The following FBN2 variants were observed in gnomAD, a reference collection of about 807,000 sequenced individuals.
FBN2 encodes the protein fibrillin-2.
In FBN2, 105 loss-of-function variants were observed where a neutral mutation model predicts 355.6. The observed-to-expected ratio is 0.30, with a 90% CI of 0.25 to 0.35. The LOEUF (loss-of-function observed/expected upper bound fraction) is 0.35, where lower values mean the gene tolerates loss of function less well. Among genes scored for constraint, FBN2 ranks in the 10% least tolerant of loss-of-function variants. FBN2 has a pLI of 1.00. For synonymous variants in FBN2, 1,350 were observed against 1,301.2 expected (o/e 1.04, Z -0.81); for missense variants, 3,280 against 3,758.7 (o/e 0.87, Z 3.33).
chr5:128,303,426 A>C (rs1749774828), intron 45 of FBN2, among the ~76,000 whole-genome samples: 1 of 152,220 alleles, frequency 6.6e-6, no homozygotes, highest in Non-Finnish European at 1.5e-5. Flanking sequence ...TAAAATACTG[A>C]AACAATTTCT....
At chr5:128,447,643 T>C (rs1754104584) in intron 6 of FBN2, among the ~76,000 whole-genome samples, 1 of 152,234 alleles carries the variant, frequency 6.6e-6, no homozygotes, top group Non-Finnish European at 1.5e-5. Context: ...TCCATTTGTC[T>C]TGTAATATTT....
chr5:128,481,342 A>C (rs1006865710), intron 5 of FBN2, among the ~76,000 whole-genome samples: 5 of 152,214 alleles, frequency 3.3e-5, no homozygotes, highest in African/African-American at 1.2e-4. Flanking sequence ...AAGTGCTGTC[A>C]TCAATTTCTG....
Position 128,446,471 on chromosome 5 carries a change from A to G in FBN2, c.952+10T>C, listed in dbSNP as rs368763111. The G allele has an allele frequency of 1.9e-6, 3 of 1,613,420 alleles. No homozygotes were observed. In the African/African-American group the frequency reaches 4.0e-5, roughly 22 times the overall value. On this transcript the variant is annotated intron_variant, in intron 7 of 64. Transcript: ENST00000262464. ...CAATTAGGCATGCTTCCCAAAGTAG[A>G]GAGACTCACCTTCACATTTCTGAGT... is the stretch of plus-strand genomic sequence containing the variant.
intron 5 of FBN2, among the ~76,000 whole-genome samples, chr5:128,488,433 C>T (rs1335180418): frequency 1.3e-5 from 2 of 152,036 alleles, no homozygotes; most frequent in African/African-American, 4.8e-5. Context: ...CAAGTTCTAC[C>T]TTTTAGATAA....
At chr5:128,473,005 T>C (rs1191247742) in intron 5 of FBN2, among the ~76,000 whole-genome samples, 3 of 152,166 alleles carry the variant, frequency 2.0e-5, no homozygotes, top group East Asian at 1.9e-4. Flanking sequence ...ACGTGCGACA[T>C]TGACCACGCC....
At chr5:128,456,621 G>A (rs777746081) in intron 6 of FBN2, among the ~76,000 whole-genome samples, 1 of 152,104 alleles carries the variant, frequency 6.6e-6, no homozygotes, top group Non-Finnish European at 1.5e-5. Context: ...GTCTCCTTGA[G>A]TGACATCTCT....
chr5:128,269,151 A>T (rs959334605), intron 62 of FBN2, among the ~76,000 whole-genome samples: 3 of 151,950 alleles, frequency 2.0e-5, no homozygotes, highest in African/African-American at 7.2e-5. Context: ...GCAGTGGCTC[A>T]TGCCTGTAAT....
At chr5:128,344,221 A>G (rs1228426478) in intron 25 of FBN2, among the ~76,000 whole-genome samples, 164 bp downstream of exon 25, 1 of 152,202 alleles carries the variant, frequency 6.6e-6, no homozygotes. Flanking sequence ...TCTGCACTCC[A>G]GCCTGGGCGA....
At position 128,268,360 on chromosome 5, in the gene FBN2, T is replaced by G. The variant is rs185990721; in HGVS notation, c.7960+3639A>C. On this transcript the variant is annotated intron_variant, in intron 62 of 64. Transcript: ENST00000262464. Reference sequence around the variant, plus strand: ...ATCCCTGAATAGACCAATAACAAGTTCTAAATTTGAGGCAGTAATTAATAG... The same window carrying G: ...ATCCCTGAATAGACCAATAACAAGTGCTAAATTTGAGGCAGTAATTAATAG... 2.5e-3 allele frequency among the ~76,000 whole-genome samples: 381 copies of G among 152,068 alleles called. 2 individuals carry two copies. Among genetic ancestry groups the G allele is most frequent in the African/African-American group, 9.0e-3 (373 of 41,478 alleles).
Position 128,318,910 on chromosome 5 carries a change from A to G in FBN2, c.4563T>C (p.Tyr1521=), listed in dbSNP as rs1434367982. The change falls in exon 35 of 65, where the codon TAT becomes TAC. Residue 1521 remains tyrosine (Y), a synonymous_variant. Coordinates refer to ENST00000262464, the MANE Select transcript of FBN2 (RefSeq NM_001999.4). ...GMFHCICDDG[Y]ELDRTGGNCT... ...AGTTCCCTCCTGTTCTGTCCAATTCATAACCATCATCGCAGATGCAATGAA... is the reference window on the plus strand; with the variant it reads ...AGTTCCCTCCTGTTCTGTCCAATTCGTAACCATCATCGCAGATGCAATGAA... 6 of 1,613,624 alleles carry G rather than the reference A, an allele frequency of 3.7e-6. No individual in the cohort carries two copies. Among genetic ancestry groups the G allele is most frequent in the Non-Finnish European group, 5.1e-6 (6 of 1,179,664 alleles).
chr5:128,320,603 G>A (rs1750342337), intron 34 of FBN2, among the ~76,000 whole-genome samples: 2 of 152,130 alleles, frequency 1.3e-5, no homozygotes, highest in Middle Eastern at 3.2e-3. Context: ...AAAGATTACT[G>A]TCTTTCCTTT....
intron 8 of FBN2, among the ~76,000 whole-genome samples, chr5:128,403,856 G>T (rs977374866): frequency 6.6e-6 from 1 of 151,758 alleles, no homozygotes; most frequent in Middle Eastern, 3.2e-3. Context: ...GAAAATTATC[G>T]TGTCTTATAA....
At chr5:128,479,956 C>G (rs1352790383) in intron 5 of FBN2, among the ~76,000 whole-genome samples, 3 of 35,246 alleles carry the variant, frequency 8.5e-5, no homozygotes, top group Non-Finnish European at 1.6e-4. Context: ...CTCTCTCTCT[C>G]TCTCTCTCTC....
intron 6 of FBN2, 132 bp from the exon 7 acceptor site, chr5:128,446,738 A>G (rs1754075934): frequency 1.2e-6 from 1 of 800,282 alleles, no homozygotes; most frequent in Admixed American, 2.1e-5. Context: ...GGGGTTAGAG[A>G]AGTAAAACAC....
intron 62 of FBN2, among the ~76,000 whole-genome samples, chr5:128,268,546 A>G (rs1480792548): frequency 1.3e-5 from 2 of 152,230 alleles, no homozygotes; most frequent in Admixed American, 6.5e-5. Flanking sequence ...TCATCCTGAT[A>G]CCAAAACCTG....
At chr5:128,422,818 C>T (rs1753385810) in intron 7 of FBN2, among the ~76,000 whole-genome samples, 1 of 152,146 alleles carries the variant, frequency 6.6e-6, no homozygotes, top group African/African-American at 2.4e-5. Context: ...ATTAAACATG[C>T]AGATTTTGAC....
intron 62 of FBN2, among the ~76,000 whole-genome samples, chr5:128,265,069 A>G (rs1765085897): frequency 6.6e-6 from 1 of 152,258 alleles, no homozygotes; most frequent in Non-Finnish European, 1.5e-5. Flanking sequence ...CCTTTATGGC[A>G]GGGGAAGAAC....
intron 27 of FBN2, among the ~76,000 whole-genome samples, chr5:128,336,314 A>G (rs771538479): frequency 5.3e-5 from 8 of 152,218 alleles, no homozygotes; most frequent in Non-Finnish European, 1.0e-4. Context: ...GCTTTCTACA[A>G]TGATGCAACT....
At position 128,311,371 on chromosome 5, in the gene FBN2, T is replaced by C; in HGVS notation, c.5003A>G (p.Asn1668Ser). Residue 1668 changes from asparagine to serine, a missense_variant, in exon 39 of 65, where the codon AAC becomes AGC. By Grantham distance (46) the Asn-to-Ser change is conservative. This residue lies in a region of FBN2 where 2,284 missense variants were observed against 2,749.5 expected (regional missense o/e 0.83). Coordinates refer to ENST00000262464, the MANE Select transcript of FBN2 (RefSeq NM_001999.4). ...CTCACACTGGAAGCTCCCAAAAGTG[T>C]TGATGCAGTTTCCACCCTGGCAGAG... ...PGLCQGGNCINTFGSFQCECP... is the reference protein window; with the variant it reads ...PGLCQGGNCISTFGSFQCECP... 1 of 1,614,124 alleles carries C rather than the reference T, an allele frequency of 6.2e-7. No homozygotes were observed. The highest frequency in any genetic ancestry group is 8.5e-7 in the Non-Finnish European group (1 of 1,179,978).
Sources: gnomAD v4.1 joint callset for allele counts (sites outside exome capture counted in the v4.1 genomes callset) on GRCh38, gnomAD v4.1.1 for gene constraint, gnomAD v4.1.1 regional missense constraint, MANE v1.5 for transcripts, NCBI Gene and HGNC (gene_info 2026-07-23, HGNC 2026-07-21) for gene names.